Variants in USP42 observed in about 807,000 individuals in gnomAD.
USP42 encodes the protein ubiquitin specific peptidase 42.
USP42 carries 23 observed loss-of-function variants against 113.0 expected under a neutral mutation model. That is an observed-to-expected ratio of 0.20 (90% CI 0.15 to 0.29). USP42 has a LOEUF of 0.29. Ranked by LOEUF, USP42 falls within the 10% of genes least tolerant of loss-of-function variation. The probability of loss-of-function intolerance (pLI) is 1.00; values close to 1 mark genes in which losing one functional copy is unlikely to be tolerated. For missense variants in USP42, 2,174 were observed against 1,779.8 expected, an observed-to-expected ratio of 1.22 and a Z score of -3.99; for synonymous variants, 933 against 699.0, an observed-to-expected ratio of 1.33 and a Z score of -5.28.
intron 1 of USP42, among the ~76,000 whole-genome samples, chr7:6,108,742 G>C (rs1013590065): frequency 2.0e-4 from 31 of 152,162 alleles, no homozygotes; most frequent in African/African-American, 7.5e-4. Flanking sequence ...GCCTCCCAAA[G>C]TGCTGGGATT....
At chr7:6,117,144 A>G (rs1202534428) in intron 3 of USP42, among the ~76,000 whole-genome samples, 2 of 152,128 alleles carry the variant, frequency 1.3e-5, no homozygotes, top group African/African-American at 2.4e-5. Context: ...GATAATGAAC[A>G]TGTTCATCAC....
At chr7:6,138,081 C>G (rs1372026299) in intron 4 of USP42, among the ~76,000 whole-genome samples, 3 of 152,198 alleles carry the variant, frequency 2.0e-5, no homozygotes, top group Admixed American at 1.3e-4. Context: ...TGTGTATCCA[C>G]TGATACACAC....
In USP42 at chr7:6,139,945, C is replaced by T. The variant is rs1002984261; in HGVS notation, c.657-183C>T. The T allele has an allele frequency of 1.1e-5, 7 of 635,022 alleles. No individual in the cohort carries two copies. The South Asian group carries it at 1.1e-4, about 10-fold the overall frequency. 39.3% of individuals were successfully genotyped at this position (635,022 alleles called of 1,614,324 possible). On this transcript the variant is annotated intron_variant, in intron 5 of 17. Coordinates refer to ENST00000306177, the MANE Select transcript of USP42 (RefSeq NM_032172.3). The surrounding 1 kb of genome is among the most constrained non-coding windows in gnomAD (Gnocchi z 4.5). ...GCGTCTCCTCCCGCCACTCCCAGAC[C>T]TCCCTGTGTTCTGGCCAGGAAGGGA...
rs141397005 is a variant in USP42 at position 6,111,207 on chromosome 7, C to T, written c.74C>T (p.Ala25Val). 5 of 1,611,354 alleles carry T rather than the reference C, an allele frequency of 3.1e-6. No individual in the cohort carries two copies. In the South Asian group the frequency reaches 5.5e-5, roughly 18 times the overall value. The part of the protein sequence containing the change: ...AYQNQPGSSE[A>V]VSPGDMDAGS... ...CAGAATCAGCCTGGCAGCTCCGAGG[C>T]AGTCTCACCTGGAGACATGGATGCA... The change falls in exon 2 of 18, where the codon GCA becomes GTA. Residue 25 changes from alanine to valine, a missense_variant. Ala to Val is a moderately conservative substitution (Grantham distance 64). Transcript: ENST00000306177.
intron 1 of USP42, among the ~76,000 whole-genome samples, chr7:6,109,141 G>T (rs11762792): frequency 0.44 from 66,902 of 151,924 alleles, 18,552 homozygotes; most frequent in African/African-American, 0.77. Flanking sequence ...AGAAAGTAAA[G>T]TCTAAACTGA....
chr7:6,098,436 T>C, the USP42 span, among the ~76,000 whole-genome samples: 1 of 150,090 alleles, frequency 6.7e-6, no homozygotes, highest in Non-Finnish European at 1.5e-5. Flanking sequence ...GGTCTTGCAG[T>C]TCCTTCAATT....
upstream of USP42, among the ~76,000 whole-genome samples, chr7:6,101,532 G>A (rs1285989926): frequency 6.6e-6 from 1 of 151,388 alleles, no homozygotes; most frequent in Non-Finnish European, 1.5e-5. Context: ...AGGAGAACAA[G>A]GTTTTGGGGC....
In USP42 at chr7:6,155,158, A is replaced by G; in HGVS notation, c.3604A>G (p.Lys1202Glu). ...GAAGCACAAAAAATCAAAGAAGAAAAAGAAATCCAAAGACAAACACCGAGA... is the reference window on the plus strand; with the variant it reads ...GAAGCACAAAAAATCAAAGAAGAAAGAGAAATCCAAAGACAAACACCGAGA... Reference protein sequence around the residue: ...AKKHKKSKKKKKSKDKHRDRD... With the variant: ...AKKHKKSKKKEKSKDKHRDRD... Residue 1202 changes from lysine (K) to glutamate (E), a missense_variant, in exon 15 of 18, where the codon AAG becomes GAG. Lys to Glu is a moderately conservative substitution (Grantham distance 56). Transcript: ENST00000306177. The G allele has an allele frequency of 6.5e-7, 1 of 1,543,394 alleles. No individual in the cohort carries two copies. Among genetic ancestry groups the G allele is most frequent in the South Asian group, 1.2e-5 (1 of 83,728 alleles).
chr7:6,091,981 C>G, the USP42 span, among the ~76,000 whole-genome samples: 4 of 24,226 alleles, frequency 1.7e-4, no homozygotes, highest in South Asian at 4.7e-3. Context: ...CGTATTTTTT[C>G]TTCTTCTTCT....
In USP42 at chr7:6,154,363, C is replaced by A. The variant is rs1782279685; in HGVS notation, c.2809C>A (p.Pro937Thr). Reference protein sequence around the residue: ...AAAPKAPGPSPAKEKIGSLRK... With the variant: ...AAAPKAPGPSTAKEKIGSLRK... ...GGCGCCGAAAGCCCCAGGCCCTTCCCCAGCGAAGGAGAAAATCGGCAGCCT... is the reference window on the plus strand; with the variant it reads ...GGCGCCGAAAGCCCCAGGCCCTTCCACAGCGAAGGAGAAAATCGGCAGCCT... The change falls in exon 15 of 18, where the codon CCA becomes ACA. Residue 937 changes from proline to threonine, a missense_variant. Transcript: ENST00000306177. 1.0e-5 allele frequency: 16 copies of A among 1,575,060 alleles called. No individual in the cohort carries two copies. Among genetic ancestry groups the A allele is most frequent in the Non-Finnish European group, 1.4e-5 (16 of 1,161,922 alleles).
At chr7:6,093,887 T>G in the USP42 span, among the ~76,000 whole-genome samples, 2 of 151,088 alleles carry the variant, frequency 1.3e-5, no homozygotes, top group African/African-American at 4.9e-5. Flanking sequence ...GAGGATCAAC[T>G]ACAAGGTTAT....
chr7:6,094,519 C>G, the USP42 span, among the ~76,000 whole-genome samples: 1 of 151,154 alleles, frequency 6.6e-6, no homozygotes. Flanking sequence ...TAGAAGAACT[C>G]CAAAGGATGG....
At chr7:6,114,656 GTATATATA>G (rs71008362) in intron 2 of USP42, among the ~76,000 whole-genome samples, 872 of 60,084 alleles carry the variant, frequency 0.015, 21 homozygotes, top group Non-Finnish European at 0.018. Context: ...ATGTGTGTGT[GTATATATA>G]TATATATATA....
chr7:6,125,096 G>T (rs113505882), intron 3 of USP42, among the ~76,000 whole-genome samples: 4 of 149,908 alleles, frequency 2.7e-5, no homozygotes, highest in Non-Finnish European at 4.4e-5. Context: ...CAGGAGAATC[G>T]CTTGATCCCG....
At chr7:6,156,609 C>T (rs1782457726) in intron 15 of USP42, 145 bp from the exon 16 acceptor site, 3 of 1,298,152 alleles carry the variant, frequency 2.3e-6, no homozygotes, top group Admixed American at 3.5e-5. Flanking sequence ...GCCACCATAC[C>T]TGGCCTACGT....
At chr7:6,141,106 G>T (rs1167845767) in intron 7 of USP42, 122 bp downstream of exon 7, 1 of 456,872 alleles carries the variant, frequency 2.2e-6, no homozygotes. Context: ...AATATGCTAA[G>T]ATTTCATTTG....
intron 3 of USP42, among the ~76,000 whole-genome samples, chr7:6,132,894 G>C (rs773096072): frequency 4.6e-5 from 7 of 151,988 alleles, no homozygotes; most frequent in African/African-American, 1.7e-4. Context: ...GGATGGTCTC[G>C]ATCTTCTACC....
intron 3 of USP42, among the ~76,000 whole-genome samples, chr7:6,119,509 C>A (rs1351427930): frequency 1.3e-5 from 2 of 152,124 alleles, no homozygotes; most frequent in Non-Finnish European, 2.9e-5. Flanking sequence ...TTCATGGTTG[C>A]TTGGCCATTT....
At chr7:6,114,655 T>TATATA in intron 2 of USP42, among the ~76,000 whole-genome samples, 1 of 67,996 alleles carries the variant, frequency 1.5e-5, no homozygotes, top group East Asian at 7.2e-4. Context: ...TATGTGTGTG[T>TATATA]GTATATATAT....
Sources: allele counts gnomAD v4.1 joint callset (sites outside exome capture counted in the v4.1 genomes callset), GRCh38; gene constraint gnomAD v4.1.1; non-coding constraint Gnocchi (gnomAD v3.1); transcripts MANE v1.5; gene names NCBI Gene and HGNC (gene_info 2026-07-23, HGNC 2026-07-21).